The following CD226 variants were observed in gnomAD, a reference collection of about 807,000 sequenced individuals.
CD226 encodes the protein CD226 molecule.
CD226 carries 24 observed loss-of-function variants against 34.9 expected under a neutral mutation model. That is an observed-to-expected ratio of 0.69 (90% confidence interval 0.50 to 0.97). The LOEUF (loss-of-function observed/expected upper bound fraction) is 0.97. Among genes scored for constraint, CD226 ranks in the 50% least tolerant of loss-of-function variants. The probability of loss-of-function intolerance (pLI) is 0.00; values close to 1 mark genes in which losing one functional copy is unlikely to be tolerated. For missense variants in CD226, 397 were observed against 412.7 expected, an observed-to-expected ratio of 0.96 and a Z score of 0.33; for synonymous variants, 148 against 147.4, an observed-to-expected ratio of 1.00 and a Z score of -0.03.
intron 2 of CD226, among the ~76,000 whole-genome samples, chr18:69,922,358 T>C (rs2055462418): frequency 6.6e-6 from 1 of 152,186 alleles, no homozygotes; most frequent in Admixed American, 6.5e-5. Flanking sequence ...CATAGCTCAC[T>C]GCAGCTTCAA....
intron 3 of CD226, among the ~76,000 whole-genome samples, chr18:69,876,184 C>G (rs889473999): frequency 1.3e-5 from 2 of 151,866 alleles, no homozygotes; most frequent in African/African-American, 2.4e-5. Context: ...TGTGATCAGG[C>G]AAATACAGTA....
At chr18:69,888,117 T>C (rs922309588) in intron 3 of CD226, among the ~76,000 whole-genome samples, 2 of 152,206 alleles carry the variant, frequency 1.3e-5, no homozygotes, top group African/African-American at 4.8e-5. Context: ...ACTGATTGAG[T>C]TGTAATACTT....
chr18:69,956,495 C>G (rs1019208439), intron 1 of CD226: 2 of 152,170 alleles, frequency 1.3e-5, no homozygotes, highest in African/African-American at 2.4e-5. Context: ...ACGATCAGAT[C>G]TATTATAAAT....
chr18:69,936,159 T>C (rs1438987177), intron 2 of CD226, among the ~76,000 whole-genome samples: 2 of 152,172 alleles, frequency 1.3e-5, no homozygotes, highest in Non-Finnish European at 2.9e-5. Flanking sequence ...GTATCAGCCA[T>C]TCGATTATTG....
At chr18:69,893,590 T>C (rs909499928) in intron 3 of CD226, among the ~76,000 whole-genome samples, 8 of 152,218 alleles carry the variant, frequency 5.3e-5, no homozygotes, top group Admixed American at 1.3e-4. Context: ...TCACTGTTTC[T>C]TTTTCCTGAC....
upstream of CD226, among the ~76,000 whole-genome samples, chr18:69,961,153 G>A (rs550968098): frequency 6.6e-6 from 1 of 152,266 alleles, no homozygotes; most frequent in South Asian, 2.1e-4. Context: ...ATTTACACGT[G>A]TATGTATATG....
At position 69,856,135 on chromosome 18, in the gene CD226, T is replaced by C. The variant is rs1343603539; in HGVS notation, c.*8179A>G. The C allele has an allele frequency of 6.6e-6, 1 of 152,174 alleles. No homozygotes were observed. Among genetic ancestry groups the C allele is most frequent in the Non-Finnish European group, 1.5e-5 (1 of 68,012 alleles). The allele number at this position is 152,174 out of a possible 1,614,324, so 9.4% of individuals were successfully genotyped here. A position where few individuals can be genotyped will look rare whatever the true frequency, so the allele number is the denominator to read the frequency against. ...AAGATGTGAGATGCTAATGTTAATT[T>C]TTTAAAAAACTGAAAGTTATGTTAA... On this transcript the variant is annotated 3_prime_UTR_variant, in exon 6 of 6. Coordinates refer to ENST00000582621, the MANE Select transcript of CD226 (RefSeq NM_001303618.2).
chr18:69,891,307 A>G lies in CD226; in HGVS notation c.727+4394T>C, dbSNP rs545925221. Among the ~76,000 whole-genome samples, 4 of 152,228 alleles carry G rather than the reference A, an allele frequency of 2.6e-5. No homozygotes were observed. The East Asian group carries it at 5.8e-4, about 22-fold the overall frequency. On this transcript the variant is annotated intron_variant, in intron 3 of 5. Transcript: ENST00000582621. Reference sequence around the variant, plus strand: ...TGTGATTAAAAAAAAAAAACTCTCAACAAATTAGGTACAGAAAGAATTTAC... The same window carrying G: ...TGTGATTAAAAAAAAAAAACTCTCAGCAAATTAGGTACAGAAAGAATTTAC...
At chr18:69,913,633 T>C (rs2055352371) in intron 2 of CD226, among the ~76,000 whole-genome samples, 2 of 152,182 alleles carry the variant, frequency 1.3e-5, no homozygotes, top group African/African-American at 4.8e-5. Context: ...TGTAAATTAC[T>C]GTTTAAATTA....
At chr18:69,945,898 T>A (rs2055783074) in intron 2 of CD226, among the ~76,000 whole-genome samples, 1 of 152,034 alleles carries the variant, frequency 6.6e-6, no homozygotes, top group Admixed American at 6.5e-5. Context: ...AGAGAGCTAG[T>A]GCAGGGGAAC....
At position 69,899,263 on chromosome 18, in the gene CD226, C is replaced by T. The variant is rs146543931; in HGVS notation, c.383-3218G>A. Among the ~76,000 whole-genome samples, 533 of 152,318 alleles carry T rather than the reference C, an allele frequency of 3.5e-3. 3 individuals carry two copies. The highest frequency in any genetic ancestry group is 0.012 in the African/African-American group (503 of 41,566). Reference sequence around the variant, plus strand: ...CCACTAGCGCCTCCCTGGCTACTGACCTGTCCTCCTCACCATCCTCACTGG... The same window carrying T: ...CCACTAGCGCCTCCCTGGCTACTGATCTGTCCTCCTCACCATCCTCACTGG... On this transcript the variant is annotated intron_variant, in intron 2 of 5. Coordinates refer to ENST00000582621, the MANE Select transcript of CD226 (RefSeq NM_001303618.2).
chr18:69,885,436 G>A (rs1984500935), intron 3 of CD226, among the ~76,000 whole-genome samples: 1 of 152,178 alleles, frequency 6.6e-6, no homozygotes, highest in Non-Finnish European at 1.5e-5. Context: ...CAAGAGAGCA[G>A]GATTTGACAG....
rs1395365872 is a variant in CD226 at position 69,864,247 on chromosome 18, A to G, written c.*67T>C. On this transcript the variant is annotated 3_prime_UTR_variant, in exon 6 of 6. Transcript: ENST00000582621. Reference sequence around the variant, plus strand: ...AGGTAGACCTTGGGTAGTGGAAAAAAATTGCATAAAGATCCATGCATGAGT... The same window carrying G: ...AGGTAGACCTTGGGTAGTGGAAAAAGATTGCATAAAGATCCATGCATGAGT... The G allele has an allele frequency of 3.3e-6, 5 of 1,531,088 alleles. No individual in the cohort carries two copies. The Admixed American group carries it at 7.0e-5, about 21-fold the overall frequency. The allele number at this position is 1,531,088 out of a possible 1,614,324, so 94.8% of individuals were successfully genotyped here. A position where few individuals can be genotyped will look rare whatever the true frequency, so the allele number is the denominator to read the frequency against.
chr18:69,941,827 G>T (rs1424180655), intron 2 of CD226, among the ~76,000 whole-genome samples: 8 of 152,084 alleles, frequency 5.3e-5, no homozygotes, highest in African/African-American at 1.9e-4. Flanking sequence ...ATTTCAGAGG[G>T]GCCAGGGGCA....
At chr18:69,911,656 C>CTGT (rs2055326946) in intron 2 of CD226, among the ~76,000 whole-genome samples, 1 of 152,206 alleles carries the variant, frequency 6.6e-6, no homozygotes, top group African/African-American at 2.4e-5. Context: ...GGCCAGAATT[C>CTGT]TCAACTCTAA....
chr18:69,941,610 TTGG>T (rs1471701189), intron 2 of CD226, among the ~76,000 whole-genome samples: 1 of 152,210 alleles, frequency 6.6e-6, no homozygotes, highest in Non-Finnish European at 1.5e-5. Context: ...TCATTTAGAA[TTGG>T]TGTATTTATC....
chr18:69,956,338 C>T (rs58486185), intron 1 of CD226, among the ~76,000 whole-genome samples: 12 of 152,316 alleles, frequency 7.9e-5, no homozygotes, highest in African/African-American at 2.6e-4. Flanking sequence ...GTTTCCCAAC[C>T]CTTGAGTAGG....
chr18:69,878,768 C>T (rs1243648538), intron 3 of CD226, among the ~76,000 whole-genome samples: 2 of 152,134 alleles, frequency 1.3e-5, no homozygotes, highest in Admixed American at 1.3e-4. Flanking sequence ...GTGGTTGACT[C>T]CATTCCTCAC....
chr18:69,949,388 G>T (rs1210575328), upstream of CD226, among the ~76,000 whole-genome samples: 1 of 152,056 alleles, frequency 6.6e-6, no homozygotes, highest in Non-Finnish European at 1.5e-5. Context: ...CATCAGAATT[G>T]GAAAAATTAA....
Sources: allele counts gnomAD v4.1 joint callset (sites outside exome capture counted in the v4.1 genomes callset), GRCh38; gene constraint gnomAD v4.1.1; transcripts MANE v1.5; gene names NCBI Gene and HGNC (gene_info 2026-07-23, HGNC 2026-07-21).